Variants in GALNT13 observed in about 807,000 individuals in gnomAD.
The protein encoded by GALNT13 is polypeptide N-acetylgalactosaminyltransferase 13.
GALNT13 carries 28 observed loss-of-function variants against 64.2 expected under a neutral mutation model. The observed-to-expected ratio is 0.44, with a 90% CI of 0.32 to 0.60. GALNT13 has a LOEUF of 0.60. GALNT13 is among the 20% of genes least tolerant of loss of function. The pLI, the probability that GALNT13 is intolerant of heterozygous loss-of-function variation, is 0.05. For synonymous variants in GALNT13, 214 were observed against 224.6 expected (o/e 0.95, Z 0.42); for missense variants, 577 against 669.8 (o/e 0.86, Z 1.53).
intron 8 of GALNT13, among the ~76,000 whole-genome samples, chr2:154,278,805 G>A (rs190684641): frequency 3.9e-5 from 6 of 152,212 alleles, no homozygotes; most frequent in Admixed American, 3.3e-4. Context: ...AAAACATGTA[G>A]TGGGGGAAAA....
intron 9 of GALNT13, among the ~76,000 whole-genome samples, chr2:154,351,943 A>G (rs1257538290): frequency 6.6e-6 from 1 of 152,152 alleles, no homozygotes; most frequent in African/African-American, 2.4e-5. Flanking sequence ...TTTCTTTGAA[A>G]CAAACTACTA....
the GALNT13 span, among the ~76,000 whole-genome samples, chr2:153,661,715 CTT>C: frequency 6.6e-6 from 1 of 152,142 alleles, no homozygotes; most frequent in African/African-American, 2.4e-5. Flanking sequence ...TTTTCTGTAA[CTT>C]ATTTCTCCAC....
the GALNT13 span, among the ~76,000 whole-genome samples, chr2:153,234,516 G>A: frequency 6.6e-6 from 1 of 152,068 alleles, no homozygotes; most frequent in Non-Finnish European, 1.5e-5. Flanking sequence ...ATGGAGATCC[G>A]CAGATAGACA....
chr2:153,299,253 A>G, the GALNT13 span, among the ~76,000 whole-genome samples: 3 of 152,230 alleles, frequency 2.0e-5, no homozygotes, highest in Non-Finnish European at 2.9e-5. Flanking sequence ...AATTATTTGC[A>G]ACGTTGTTTC....
intron 1 of GALNT13, among the ~76,000 whole-genome samples, chr2:153,897,553 TC>T (rs552764782): frequency 2.6e-4 from 39 of 152,118 alleles, no homozygotes; most frequent in Non-Finnish European, 1.9e-4. Flanking sequence ...GTTACTATTT[TC>T]CCCATTGTAA....
intron 3 of GALNT13, among the ~76,000 whole-genome samples, chr2:153,973,879 T>C (rs1693905539): frequency 6.6e-6 from 1 of 152,008 alleles, no homozygotes; most frequent in Admixed American, 6.6e-5. Flanking sequence ...TGAAATACAG[T>C]GTCTGGTAGA....
chr2:153,558,941 G>A, the GALNT13 span, among the ~76,000 whole-genome samples: 1 of 152,114 alleles, frequency 6.6e-6, no homozygotes, highest in Admixed American at 6.5e-5. Context: ...AATAAGATAT[G>A]GCAGTTCTTC....
At chr2:153,191,544 T>C in the GALNT13 span, among the ~76,000 whole-genome samples, 1 of 152,214 alleles carries the variant, frequency 6.6e-6, no homozygotes, top group East Asian at 1.9e-4. Flanking sequence ...AGTCATGTCC[T>C]TGTCTGGTTT....
At chr2:153,140,643 G>A in the GALNT13 span, among the ~76,000 whole-genome samples, 1 of 151,962 alleles carries the variant, frequency 6.6e-6, no homozygotes, top group Non-Finnish European at 1.5e-5. Context: ...TTTTACAAAT[G>A]TTAATATAAT....
At chr2:154,042,823 AT>A (rs1056556271) in intron 3 of GALNT13, among the ~76,000 whole-genome samples, 2 of 151,122 alleles carry the variant, frequency 1.3e-5, no homozygotes. Flanking sequence ...AATTTAAATA[AT>A]TTTTTTTCTA....
At chr2:153,312,238 G>T in the GALNT13 span, among the ~76,000 whole-genome samples, 1 of 152,176 alleles carries the variant, frequency 6.6e-6, no homozygotes, top group Admixed American at 6.5e-5. Flanking sequence ...CAGAGGGATT[G>T]TAATAATTCT....
chr2:153,988,523 A>T (rs1406214243), intron 3 of GALNT13, among the ~76,000 whole-genome samples: 2 of 152,014 alleles, frequency 1.3e-5, no homozygotes, highest in Non-Finnish European at 2.9e-5. Context: ...GAGGCTGAAT[A>T]GTATTCCATT....
chr2:154,154,836 G>C (rs1013227987), intron 4 of GALNT13, among the ~76,000 whole-genome samples: 1 of 151,904 alleles, frequency 6.6e-6, no homozygotes, highest in Non-Finnish European at 1.5e-5. Flanking sequence ...TGATTTTCCA[G>C]AATAGGTGAC....
intron 5 of GALNT13, 56 bp from the exon 6 acceptor site, chr2:154,242,642 C>A: frequency 8.8e-7 from 1 of 1,135,882 alleles, no homozygotes; most frequent in Non-Finnish European, 1.3e-6. Flanking sequence ...AGTATCTCTG[C>A]TATTTCTTAA....
chr2:153,576,598 G>C, the GALNT13 span, among the ~76,000 whole-genome samples: 1 of 152,148 alleles, frequency 6.6e-6, no homozygotes, highest in Non-Finnish European at 1.5e-5. Flanking sequence ...CATAGATGCT[G>C]TCTGCACCAT....
At chr2:153,370,517 T>G in the GALNT13 span, 1 of 152,122 alleles carries the variant, frequency 6.6e-6, no homozygotes, top group East Asian at 1.9e-4. Flanking sequence ...TATTCCAAAA[T>G]CTATCAATAT....
the GALNT13 span, among the ~76,000 whole-genome samples, chr2:153,461,950 A>G: frequency 2.0e-5 from 3 of 152,152 alleles, no homozygotes; most frequent in Non-Finnish European, 2.9e-5. Flanking sequence ...TAAGTTATGG[A>G]AAAATAAAAT....
chr2:153,446,127 GT>G, the GALNT13 span, among the ~76,000 whole-genome samples: 1 of 152,142 alleles, frequency 6.6e-6, no homozygotes, highest in Non-Finnish European at 1.5e-5. Context: ...GCTAAATTCT[GT>G]TACTTGGGAC....
chr2:154,134,085 T>C (rs896059754), intron 3 of GALNT13, among the ~76,000 whole-genome samples: 4 of 152,124 alleles, frequency 2.6e-5, no homozygotes, highest in African/African-American at 4.8e-5. Context: ...GCACATATCA[T>C]TTCTATTCTC....
Sources: allele counts gnomAD v4.1 joint callset (sites outside exome capture counted in the v4.1 genomes callset), GRCh38; gene constraint gnomAD v4.1.1; transcripts MANE v1.5; gene names NCBI Gene and HGNC (gene_info 2026-07-23, HGNC 2026-07-21).